The following PHLDB2 variants were observed in gnomAD, a reference collection of about 807,000 sequenced individuals.
The protein encoded by PHLDB2 is pleckstrin homology-like domain family B member 2.
Under a neutral mutation model 123.6 loss-of-function variants are expected in PHLDB2, and 71 were observed. The ratio of observed to expected loss-of-function variants is 0.57; its 90% CI spans 0.47 to 0.70. The LOEUF (loss-of-function observed/expected upper bound fraction) is 0.70, where lower values mean the gene tolerates loss of function less well. Ranked by LOEUF, PHLDB2 falls within the 30% of genes least tolerant of loss-of-function variation. The probability of loss-of-function intolerance (pLI) is 0.00; values close to 1 mark genes in which losing one functional copy is unlikely to be tolerated. For missense variants in PHLDB2, 1,446 were observed against 1,519.5 expected (o/e 0.95, Z 0.80); for synonymous variants, 547 against 541.6 (o/e 1.01, Z -0.14).
At chr3:111,830,382 C>G (rs1363688904) in intron 1 of PHLDB2, among the ~76,000 whole-genome samples, 1 of 151,378 alleles carries the variant, frequency 6.6e-6, no homozygotes, top group Non-Finnish European at 1.5e-5. Flanking sequence ...TTACATGCGA[C>G]ATTTTTCTGT....
chr3:111,887,859 T>C (rs1484721493), intron 2 of PHLDB2, among the ~76,000 whole-genome samples: 1 of 152,172 alleles, frequency 6.6e-6, no homozygotes, highest in African/African-American at 2.4e-5. Context: ...TTGAAATATT[T>C]AGGGTTAAGA....
chr3:111,786,988 A>T (rs781131426), intron 1 of PHLDB2, among the ~76,000 whole-genome samples: 3 of 152,214 alleles, frequency 2.0e-5, no homozygotes, highest in Non-Finnish European at 4.4e-5. Context: ...TCAAAAAAAA[A>T]GTTTAAGAAC....
At chr3:111,817,457 T>C (rs2062139788) in intron 1 of PHLDB2, among the ~76,000 whole-genome samples, 1 of 152,258 alleles carries the variant, frequency 6.6e-6, no homozygotes, top group African/African-American at 2.4e-5. Flanking sequence ...GGCACAGTGC[T>C]GGTCTTTATC....
intron 1 of PHLDB2, among the ~76,000 whole-genome samples, chr3:111,842,871 T>C (rs1367235414): frequency 1.3e-5 from 2 of 152,250 alleles, no homozygotes. Flanking sequence ...TGTGATCTTT[T>C]GTGACTACCT....
At chr3:111,744,912 C>T (rs1375621750) in intron 1 of PHLDB2, among the ~76,000 whole-genome samples, 2 of 152,188 alleles carry the variant, frequency 1.3e-5, no homozygotes, top group East Asian at 3.8e-4. Flanking sequence ...TGGATTCAAT[C>T]CTGCTATGTG....
chr3:111,814,678 G>C (rs956400264), intron 1 of PHLDB2, among the ~76,000 whole-genome samples: 1 of 151,582 alleles, frequency 6.6e-6, no homozygotes, highest in Non-Finnish European at 1.5e-5. Flanking sequence ...GATTCTAGTG[G>C]CTGGAAAATT....
At chr3:111,879,539 A>T (rs930479626) in intron 1 of PHLDB2, among the ~76,000 whole-genome samples, 8 of 152,176 alleles carry the variant, frequency 5.3e-5, no homozygotes, top group African/African-American at 1.9e-4. Context: ...AGGGTGGCAG[A>T]GGCAGAAGTG....
upstream of PHLDB2, among the ~76,000 whole-genome samples, chr3:111,858,372 A>G (rs996661485): frequency 6.6e-6 from 1 of 152,168 alleles, no homozygotes; most frequent in Non-Finnish European, 1.5e-5. Flanking sequence ...TAAAACCTAG[A>G]TGAAGGGTTG....
chr3:111,868,831 C>G (rs2065209615), intron 1 of PHLDB2, among the ~76,000 whole-genome samples: 1 of 152,196 alleles, frequency 6.6e-6, no homozygotes, highest in Admixed American at 6.5e-5. Context: ...TGTCCTCCCC[C>G]AACCTGTCCT....
intron 2 of PHLDB2, among the ~76,000 whole-genome samples, chr3:111,886,738 GAC>G (rs2066186641): frequency 6.6e-6 from 1 of 152,146 alleles, no homozygotes. Context: ...AGAGAATTTA[GAC>G]AGTCTTTGAG....
Position 111,859,457 on chromosome 3 carries a change from C to A in PHLDB2, c.-134C>A. The A allele has an allele frequency of 2.0e-6, 2 of 985,542 alleles. No homozygotes were observed. Among genetic ancestry groups the A allele is most frequent in the Non-Finnish European group, 2.4e-6 (2 of 829,980 alleles). 61.0% of individuals were successfully genotyped at this position (985,542 alleles called of 1,614,324 possible). ...AGGGGGTCAAGAGTGCCGGACCCAGCCGCGCGGAGCCCACCATTGCGGCCC... is the reference window on the plus strand; with the variant it reads ...AGGGGGTCAAGAGTGCCGGACCCAGACGCGCGGAGCCCACCATTGCGGCCC... On this transcript the variant is annotated 5_prime_UTR_variant, in exon 1 of 18. Transcript: ENST00000431670.
chr3:111,950,583 G>A lies in PHLDB2; in HGVS notation c.2631+1508G>A, dbSNP rs537933121. Among the ~76,000 whole-genome samples the A allele has an allele frequency of 5.3e-5, 8 of 152,144 alleles. No homozygotes were observed. The East Asian group carries it at 1.5e-3, about 29-fold the overall frequency. ...TTGCCTTCCTTTTAGAACACTCAGA[G>A]TACATTGATGCTTGGGTATTCAAAA... On this transcript the variant is annotated intron_variant, in intron 10 of 17. Coordinates refer to ENST00000431670, the MANE Select transcript of PHLDB2 (RefSeq NM_001134438.2).
chr3:111,909,095 C>G (rs1369989729), intron 2 of PHLDB2, among the ~76,000 whole-genome samples: 1 of 152,176 alleles, frequency 6.6e-6, no homozygotes, highest in Non-Finnish European at 1.5e-5. Flanking sequence ...AGCTCTATGC[C>G]TTTGCTTCTG....
intron 7 of PHLDB2, among the ~76,000 whole-genome samples, chr3:111,939,857 A>G (rs2069749159): frequency 6.6e-6 from 1 of 152,238 alleles, no homozygotes; most frequent in Admixed American, 6.5e-5. Flanking sequence ...CGTGAAAACC[A>G]AGGCATAGAA....
At chr3:111,801,815 T>C (rs1336732473) in intron 1 of PHLDB2, among the ~76,000 whole-genome samples, 1 of 152,134 alleles carries the variant, frequency 6.6e-6, no homozygotes, top group Non-Finnish European at 1.5e-5. Flanking sequence ...AGAACATACA[T>C]TAGTGGTTGC....
rs183920836 is a variant in PHLDB2 at position 111,830,383 on chromosome 3, A to T, written c.-48-15438A>T. ...TAAAATTCTTTATCTTACATGCGACATTTTTCTGTTAATTTATGAGATATC... is the reference window on the plus strand; with the variant it reads ...TAAAATTCTTTATCTTACATGCGACTTTTTTCTGTTAATTTATGAGATATC... On this transcript the variant is annotated intron_variant, in intron 1 of 17. Transcript: ENST00000393923. Among the ~76,000 whole-genome samples the T allele has an allele frequency of 3.9e-3, 588 of 151,588 alleles. 4 individuals are homozygous for T. The highest frequency in any genetic ancestry group is 0.013 in the African/African-American group (553 of 41,280).
chr3:111,861,711 A>G (rs1349747817), intron 1 of PHLDB2, among the ~76,000 whole-genome samples: 1 of 152,258 alleles, frequency 6.6e-6, no homozygotes, highest in Non-Finnish European at 1.5e-5. Context: ...CCTCCGTTCA[A>G]TAACTGTGAC....
intron 5 of PHLDB2, among the ~76,000 whole-genome samples, chr3:111,931,342 CT>C (rs1251514906): frequency 2.0e-5 from 3 of 152,182 alleles, no homozygotes; most frequent in Admixed American, 2.0e-4. Flanking sequence ...CACCAAAAAA[CT>C]GAAGTTTTGT....
intron 10 of PHLDB2, 120 bp downstream of exon 10, chr3:111,949,195 G>A: frequency 8.6e-7 from 1 of 1,160,236 alleles, no homozygotes; most frequent in Non-Finnish European, 1.2e-6. Context: ...TGTTTGGCCA[G>A]AGGGGTAGGG....
Sources: gnomAD v4.1 joint callset for allele counts (sites outside exome capture counted in the v4.1 genomes callset) on GRCh38, gnomAD v4.1.1 for gene constraint, MANE v1.5 for transcripts, NCBI Gene and HGNC (gene_info 2026-07-23, HGNC 2026-07-21) for gene names.